Variants in SMIM35 observed in about 807,000 individuals in gnomAD.
SMIM35 encodes small integral membrane protein 35.
intron 1 of SMIM35, among the ~76,000 whole-genome samples, chr11:118,063,468 A>G (rs538796996): frequency 6.6e-6 from 1 of 152,096 alleles, no homozygotes; most frequent in South Asian, 2.1e-4. Context: ...TATTGTGGTA[A>G]ATATATTTGG....
chr11:118,066,398 A>T (rs1242927153), intron 1 of SMIM35, among the ~76,000 whole-genome samples: 1 of 151,988 alleles, frequency 6.6e-6, no homozygotes, highest in Non-Finnish European at 1.5e-5. Context: ...CAGGCTCTCC[A>T]TCCACACAGC....
chr11:118,038,940 G>A (rs1456012199), intron 1 of SMIM35, among the ~76,000 whole-genome samples: 1 of 152,198 alleles, frequency 6.6e-6, no homozygotes, highest in Non-Finnish European at 1.5e-5. Flanking sequence ...AAGGTGTGAA[G>A]TGAGGAGAGG....
intron 2 of SMIM35, among the ~76,000 whole-genome samples, 158 bp from the exon 3 acceptor site, chr11:118,014,899 G>C (rs904691304): frequency 1.3e-5 from 2 of 152,022 alleles, no homozygotes; most frequent in African/African-American, 4.8e-5. Flanking sequence ...CTCCTTCAGG[G>C]CCCCCCATTA....
intron 1 of SMIM35, among the ~76,000 whole-genome samples, chr11:118,017,617 C>G (rs1026819695): frequency 1.3e-5 from 2 of 152,116 alleles, no homozygotes; most frequent in Non-Finnish European, 2.9e-5. Context: ...CAAGGAAGGT[C>G]TTATGACAAA....
At chr11:118,027,641 AGCAG>A (rs2058285343) in intron 1 of SMIM35, among the ~76,000 whole-genome samples, 1 of 152,250 alleles carries the variant, frequency 6.6e-6, no homozygotes, top group Admixed American at 6.5e-5. Flanking sequence ...TCTTTATGTT[AGCAG>A]TTAGATAACC....
chr11:118,007,761 G>T (rs945105846), intron 4 of SMIM35, among the ~76,000 whole-genome samples: 1 of 152,080 alleles, frequency 6.6e-6, no homozygotes, highest in African/African-American at 2.4e-5. Context: ...ATGAGAAACC[G>T]CATCCTCCTG....
At chr11:118,082,570 G>GAA (rs1406054175) in intron 1 of SMIM35, among the ~76,000 whole-genome samples, 1 of 151,432 alleles carries the variant, frequency 6.6e-6, no homozygotes, top group Non-Finnish European at 1.5e-5. Context: ...CAAAAAAAAA[G>GAA]AAAGAAAGAA....
intron 1 of SMIM35, among the ~76,000 whole-genome samples, chr11:118,020,022 G>A (rs1230726255): frequency 2.0e-5 from 3 of 152,134 alleles, no homozygotes; most frequent in Non-Finnish European, 4.4e-5. Flanking sequence ...CCAGCATTTG[G>A]GAGGCCAAGG....
intron 1 of SMIM35, among the ~76,000 whole-genome samples, chr11:118,033,693 T>C (rs1484920953): frequency 6.6e-6 from 1 of 152,148 alleles, no homozygotes; most frequent in African/African-American, 2.4e-5. Context: ...CACTTCAAGA[T>C]GACAGTTTCA....
rs913516279 is a variant in SMIM35, at chr11:118,028,527, T to C, written c.8-12718A>G. ...TCTGGCCAAAATACTATCTTAATTC[T>C]ATAAAAACCCCTTTTAAAAAAATTA... is the stretch of plus-strand genomic sequence containing the variant. On this transcript the variant is annotated intron_variant, in intron 1 of 4. Transcript: ENST00000689828. Among the ~76,000 whole-genome samples, 18 of 152,236 alleles carry C rather than the reference T, an allele frequency of 1.2e-4. 1 individual carries two copies. The highest frequency in any genetic ancestry group is 2.9e-5 in the Non-Finnish European group (2 of 68,038).
At chr11:118,028,833 A>G (rs1476210415) in intron 1 of SMIM35, 1 of 452,430 alleles carries the variant, frequency 2.2e-6, no homozygotes, top group East Asian at 7.0e-5. Context: ...GTAGAAGGGG[A>G]AAAGGAGAAG....
At chr11:118,019,852 G>C (rs1312057687) in intron 1 of SMIM35, among the ~76,000 whole-genome samples, 4 of 152,104 alleles carry the variant, frequency 2.6e-5, no homozygotes. Context: ...AAGTTAAACA[G>C]ATGTGCCTGC....
intron 1 of SMIM35, among the ~76,000 whole-genome samples, chr11:118,080,339 G>A (rs1235093007): frequency 6.6e-6 from 1 of 152,198 alleles, no homozygotes; most frequent in African/African-American, 2.4e-5. Context: ...CAGCAAGAAA[G>A]AGTGGTAGTA....
intron 1 of SMIM35, among the ~76,000 whole-genome samples, chr11:118,037,676 G>A (rs1943927475): frequency 6.6e-6 from 1 of 152,184 alleles, no homozygotes; most frequent in African/African-American, 2.4e-5. Flanking sequence ...ATCTTGCAAG[G>A]TGACCAGGGA....
chr11:118,079,043 A>T (rs1361462193), intron 1 of SMIM35, among the ~76,000 whole-genome samples: 3 of 151,990 alleles, frequency 2.0e-5, no homozygotes, highest in Non-Finnish European at 4.4e-5. Context: ...GGAGCTGGGC[A>T]TTGCTGGAGG....
intron 1 of SMIM35, among the ~76,000 whole-genome samples, chr11:118,037,223 G>T (rs866025182): frequency 3.9e-5 from 6 of 152,216 alleles, no homozygotes; most frequent in African/African-American, 1.4e-4. Flanking sequence ...TTTCTCAGGA[G>T]GATGCCTTCG....
intron 1 of SMIM35, among the ~76,000 whole-genome samples, chr11:118,040,162 G>A (rs1943976573): frequency 6.6e-6 from 1 of 151,990 alleles, no homozygotes; most frequent in Non-Finnish European, 1.5e-5. Flanking sequence ...GTTGCAGTGA[G>A]CCGAGATCAT....
chr11:118,011,096 AAG>A (rs2135014605), intron 4 of SMIM35, among the ~76,000 whole-genome samples: 1 of 152,340 alleles, frequency 6.6e-6, no homozygotes, highest in South Asian at 2.1e-4. Flanking sequence ...AAGTAAGGAA[AAG>A]AGGGGGAGGC....
chr11:118,054,961 G>T (rs549514407), intron 1 of SMIM35, among the ~76,000 whole-genome samples: 1 of 152,000 alleles, frequency 6.6e-6, no homozygotes, highest in African/African-American at 2.4e-5. Flanking sequence ...GCGCCACCAT[G>T]CCTGGCTAAT....
Sources: gnomAD v4.1 joint callset for allele counts (sites outside exome capture counted in the v4.1 genomes callset) on GRCh38, gnomAD v4.1.1 for gene constraint, MANE v1.5 for transcripts, NCBI Gene and HGNC (gene_info 2026-07-23, HGNC 2026-07-21) for gene names.